Variants in DHX37 observed in about 807,000 individuals in gnomAD.
DHX37 encodes DEAH-box helicase 37, also known as probable ATP-dependent RNA helicase DHX37.
Under a neutral mutation model 134.3 loss-of-function variants are expected in DHX37, and 52 were observed. The observed-to-expected ratio is 0.39, with a 90% CI of 0.31 to 0.49. The LOEUF (loss-of-function observed/expected upper bound fraction) is 0.49, where lower values mean the gene tolerates loss of function less well. DHX37 is among the 20% of genes least tolerant of loss of function. The pLI is 0.93. For synonymous variants in DHX37, 634 were observed against 670.7 expected (o/e 0.95, Z 0.85); for missense variants, 1,344 against 1,580.8 (o/e 0.85, Z 2.54).
chr12:124,978,798 G>A (rs1380981368), intron 4 of DHX37, among the ~76,000 whole-genome samples: 1 of 151,470 alleles, frequency 6.6e-6, no homozygotes, highest in Non-Finnish European at 1.5e-5. Context: ...CAGGCATGGT[G>A]GCACATATCT....
chr12:124,947,513 A>C lies in DHX37; in HGVS notation c.*289T>G. On this transcript the variant is annotated 3_prime_UTR_variant, in exon 27 of 27. Coordinates refer to ENST00000308736, the MANE Select transcript of DHX37 (RefSeq NM_032656.4). Reference sequence around the variant, plus strand: ...CAGCCCTGCTGCTCCACAGGGGACTAATGTAGTCCAAAGAGCACACTGAAC... The same window carrying C: ...CAGCCCTGCTGCTCCACAGGGGACTCATGTAGTCCAAAGAGCACACTGAAC... 3.0e-6 allele frequency: 1 copy of C among 336,920 alleles called. No homozygotes were observed. The allele number at this position is 336,920 out of a possible 1,614,324, so 20.9% of individuals were successfully genotyped here. A position where few individuals can be genotyped will look rare whatever the true frequency, so the allele number is the denominator to read the frequency against.
intron 5 of DHX37, 106 bp downstream of exon 5, chr12:124,977,236 G>A (rs1162420189): frequency 1.5e-6 from 2 of 1,370,382 alleles, no homozygotes; most frequent in Admixed American, 2.7e-5. Flanking sequence ...GCATGCACAG[G>A]GCAGATCCAG....
intron 10 of DHX37, among the ~76,000 whole-genome samples, chr12:124,968,096 G>A (rs1954431910): frequency 6.6e-6 from 1 of 151,218 alleles, no homozygotes; most frequent in Non-Finnish European, 1.5e-5. Flanking sequence ...AAAAAAGTCT[G>A]GCTGGAAGCG....
In DHX37 at chr12:124,947,633, A is replaced by G; in HGVS notation, c.*169T>C. 2.4e-6 allele frequency: 2 copies of G among 841,204 alleles called. No individual in the cohort carries two copies. Among genetic ancestry groups the G allele is most frequent in the East Asian group, 5.5e-5 (2 of 36,626 alleles). 52.1% of individuals were successfully genotyped at this position (841,204 alleles called of 1,614,324 possible). ...CGGGCCAGATGGCACGGGCGGCAGCACCCTTCATACGGGATCGAGCTCTCA... is the reference window on the plus strand; with the variant it reads ...CGGGCCAGATGGCACGGGCGGCAGCGCCCTTCATACGGGATCGAGCTCTCA... On this transcript the variant is annotated 3_prime_UTR_variant, in exon 27 of 27. Transcript: ENST00000308736.
At chr12:124,965,888 G>T in intron 12 of DHX37, 76 bp from the exon 13 acceptor site, 1 of 1,545,834 alleles carries the variant, frequency 6.5e-7, no homozygotes, top group Non-Finnish European at 8.8e-7. Context: ...AGGAAGACAG[G>T]TGCCCTCGCA....
chr12:124,956,670 G>T (rs1325399651), intron 18 of DHX37, 21 bp downstream of exon 18: 7 of 1,523,742 alleles, frequency 4.6e-6, no homozygotes. Flanking sequence ...GGCCCTGAGT[G>T]CCCAGCCGCC....
At position 124,975,429 on chromosome 12, in the gene DHX37, G is replaced by C; in HGVS notation, c.970C>G (p.Leu324Val). The C allele has an allele frequency of 6.2e-7, 1 of 1,613,008 alleles. No individual in the cohort carries two copies. Among genetic ancestry groups the C allele is most frequent in the Non-Finnish European group, 8.5e-7 (1 of 1,180,002 alleles). Residue 324 changes from leucine (L) to valine (V), a missense_variant, in exon 6 of 27, where the codon CTG becomes GTG. Physicochemically the swap from Leu to Val is conservative, Grantham distance 32 (BLOSUM62 1). Around this residue, in one of 7 missense-constraint regions of DHX37, gnomAD observed 32 missense variants for 28.9 expected, o/e 1.11. Coordinates refer to ENST00000308736, the MANE Select transcript of DHX37 (RefSeq NM_032656.4). The part of the protein sequence containing the change: ...MSQRVAKEMN[L>V]SQRVVSYQIR... Reference sequence around the variant, plus strand: ...AAGTAGAGCCCTCACCGCTGGGACAGATTCATCTCCTTGGCCACTCGCTGG... The same window carrying C: ...AAGTAGAGCCCTCACCGCTGGGACACATTCATCTCCTTGGCCACTCGCTGG...
chr12:124,989,115 C>G lies in DHX37; in HGVS notation c.-93G>C. On this transcript the variant is annotated 5_prime_UTR_variant, in exon 1 of 27. Transcript: ENST00000308736. ...GGGTTCCCAGACCACCAACTCCGGC[C>G]GTGAGACTTCCGGGTTGTGTTATCG... The G allele has an allele frequency of 1.3e-6, 1 of 771,324 alleles. No homozygotes were observed. The highest frequency in any genetic ancestry group is 5.1e-5 in the South Asian group (1 of 19,560). The allele number at this position is 771,324 out of a possible 1,614,324, so 47.8% of individuals were successfully genotyped here. A position where few individuals can be genotyped will look rare whatever the true frequency, so the allele number is the denominator to read the frequency against.
intron 18 of DHX37, among the ~76,000 whole-genome samples, chr12:124,955,590 C>T (rs533825306): frequency 2.6e-5 from 4 of 152,272 alleles, no homozygotes; most frequent in South Asian, 2.1e-4. Context: ...GGATTACAGG[C>T]GTGAGCCACC....
intron 5 of DHX37, among the ~76,000 whole-genome samples, chr12:124,976,637 G>A (rs970582302): frequency 1.9e-4 from 29 of 152,104 alleles, no homozygotes; most frequent in Admixed American, 3.3e-4. Flanking sequence ...AGACCATCCC[G>A]GCTAACATGG....
intron 2 of DHX37, among the ~76,000 whole-genome samples, chr12:124,985,706 C>G (rs1954857222): frequency 6.9e-6 from 1 of 145,824 alleles, no homozygotes; most frequent in Non-Finnish European, 1.5e-5. Context: ...GCACTCCAGC[C>G]TGGGCAACAG....
At chr12:124,984,916 G>C in intron 2 of DHX37, among the ~76,000 whole-genome samples, 1 of 152,180 alleles carries the variant, frequency 6.6e-6, no homozygotes, top group African/African-American at 2.4e-5. Context: ...CTCAAGATGA[G>C]ATGATCCTGA....
chr12:124,971,818 G>A (rs143939462), intron 7 of DHX37, among the ~76,000 whole-genome samples: 12 of 152,340 alleles, frequency 7.9e-5, no homozygotes, highest in African/African-American at 2.9e-4. Context: ...CCCCCACCCG[G>A]GCCCTGCATG....
intron 8 of DHX37, among the ~76,000 whole-genome samples, chr12:124,969,789 C>A (rs534184337): frequency 6.6e-6 from 1 of 152,140 alleles, no homozygotes; most frequent in South Asian, 2.1e-4. Context: ...TGGTTACACA[C>A]AGAGTGACCA....
At chr12:124,981,962 A>G (rs1954769909) in intron 3 of DHX37, among the ~76,000 whole-genome samples, 1 of 151,836 alleles carries the variant, frequency 6.6e-6, no homozygotes, top group Non-Finnish European at 1.5e-5. Flanking sequence ...CGTCTCTACT[A>G]AAAATACAAA....
At chr12:124,972,476 C>T (rs1251366637) in intron 7 of DHX37, 27 bp downstream of exon 7, 1 of 1,612,850 alleles carries the variant, frequency 6.2e-7, no homozygotes, top group Non-Finnish European at 8.5e-7. Flanking sequence ...ACTGGCCTTG[C>T]TCTGTGAGCC....
rs182189507 is a variant in DHX37 at position 124,971,476 on chromosome 12, G to A, written c.1078-61C>T. 1.7e-3 allele frequency: 2,759 copies of A among 1,577,436 alleles called. 35 individuals are homozygous for A. The South Asian group carries it at 0.019, about 11-fold the overall frequency. ...GCCTAAGCCCCAAGGGCCGCTTCAC[G>A]TCCCAGAACTCCCACTTGAGGAGAC... On this transcript the variant is annotated intron_variant, in intron 7 of 26. Transcript: ENST00000308736.
intron 9 of DHX37, 84 bp downstream of exon 9, chr12:124,968,783 C>G: frequency 2.5e-6 from 4 of 1,596,048 alleles, no homozygotes; most frequent in Non-Finnish European, 3.4e-6. Flanking sequence ...CCCCTGTGAC[C>G]AAGTGAGGTC....
intron 15 of DHX37, among the ~76,000 whole-genome samples, chr12:124,961,301 C>T (rs868720229): frequency 7.0e-5 from 10 of 142,268 alleles, no homozygotes; most frequent in South Asian, 2.2e-4. Context: ...CACGCGTGCA[C>T]GCACGCACAC....
Sources: allele counts gnomAD v4.1 joint callset (sites outside exome capture counted in the v4.1 genomes callset), GRCh38; gene constraint gnomAD v4.1.1; regional missense constraint gnomAD v4.1.1; transcripts MANE v1.5; gene names NCBI Gene and HGNC (gene_info 2026-07-23, HGNC 2026-07-21).